Variants in ELANE observed in about 807,000 individuals in gnomAD.
ELANE encodes the protein neutrophil elastase.
A neutral mutation model predicts 20.6 loss-of-function variants in ELANE; 12 were observed. The observed-to-expected ratio is 0.58, with a 90% CI of 0.37 to 0.94. The LOEUF is 0.94. Ranked by LOEUF, ELANE falls within the 40% of genes least tolerant of loss-of-function variation. The pLI is 0.01. For missense variants in ELANE, 388 were observed against 395.2 expected (o/e 0.98, Z 0.15); for synonymous variants, 203 against 177.4 (o/e 1.14, Z -1.15).
Position 855,638 on chromosome 19 carries a change from C to A in ELANE, c.441C>A (p.Asn147Lys), listed in dbSNP as rs146878885. 6.2e-7 allele frequency: 1 copy of A among 1,605,792 alleles called. No homozygotes were observed. Among genetic ancestry groups the A allele is most frequent in the Non-Finnish European group, 8.5e-7 (1 of 1,179,840 alleles). Residue 147 changes from asparagine to lysine, a missense_variant, in exon 4 of 5, where the codon AAC becomes AAA. Around this residue, in one of 3 missense-constraint regions of ELANE, gnomAD observed 321 missense variants for 309.8 expected, o/e 1.04. Transcript: ENST00000263621. The surrounding 1 kb of genome is among the most constrained non-coding windows in gnomAD (Gnocchi z 6.2). ...QLPAQGRRLG[N>K]GVQCLAMGWG... Reference sequence around the variant, plus strand: ...CGGCTCAGGGACGCCGCCTGGGCAACGGGGTGCAGTGCCTGGCCATGGGCT... The same window carrying A: ...CGGCTCAGGGACGCCGCCTGGGCAAAGGGGTGCAGTGCCTGGCCATGGGCT...
At position 853,259 on chromosome 19, in the gene ELANE, C is replaced by T. The variant is rs1213433317; in HGVS notation, c.225-3C>T. 5 of 1,595,250 alleles carry T rather than the reference C, an allele frequency of 3.1e-6. No individual in the cohort carries two copies. The highest frequency in any genetic ancestry group is 3.4e-6 in the Non-Finnish European group (4 of 1,171,860). ...CTGAGCCCCGCCTCTCCCTCCCCGG[C>T]AGAAACGTCCGCGCGGTGCGGGTGG... On this transcript the variant is annotated splice_polypyrimidine_tract_variant and splice_region_variant and intron_variant, in intron 2 of 4. Coordinates refer to ENST00000263621, the MANE Select transcript of ELANE (RefSeq NM_001972.4).
intron 1 of ELANE, 25 bp from the exon 2 acceptor site, chr19:852,851 G>A (rs763885813): frequency 2.5e-6 from 4 of 1,590,392 alleles, no homozygotes; most frequent in Non-Finnish European, 3.4e-6. Flanking sequence ...CAGGCACTCA[G>A]CACCCGCACC....
At chr19:853,239 C>T (rs1158474436) in intron 2 of ELANE, 23 bp from the exon 3 acceptor site, 1 of 1,573,138 alleles carries the variant, frequency 6.4e-7, no homozygotes. Context: ...CGCCCCTGAG[C>T]CCCGCCTCTC....
chr19:853,445 A>C, intron 3 of ELANE, 42 bp downstream of exon 3: 3 of 1,459,030 alleles, frequency 2.1e-6, no homozygotes, highest in Non-Finnish European at 2.8e-6. Context: ...CGGAGGCCAG[A>C]GGCCTGGGGA....
chr19:852,856 C>T lies in ELANE; in HGVS notation c.68-20C>T, dbSNP rs1443198519. ...GGCTCCTTGGCAGGCACTCAGCACC[C>T]GCACCCGGTGTGTCCCCAGGCACCG... On this transcript the variant is annotated intron_variant, in intron 1 of 4. Transcript: ENST00000263621. 9.4e-6 allele frequency: 15 copies of T among 1,591,704 alleles called. No homozygotes were observed. In the East Asian group the frequency reaches 1.6e-4, roughly 17 times the overall value.
rs773617543 is a variant in ELANE at position 856,157 on chromosome 19, C to A, written c.797C>A (p.Thr266Asn). 1 of 1,612,908 alleles carries A rather than the reference C, an allele frequency of 6.2e-7. No individual in the cohort carries two copies. The highest frequency in any genetic ancestry group is 8.5e-7 in the Non-Finnish European group (1 of 1,180,032). ...CGGGACCCGGACCCGGCCAGCAGGACCCACTGAGAAGGGCTGCCCGGGTCA... is the reference window on the plus strand; with the variant it reads ...CGGGACCCGGACCCGGCCAGCAGGAACCACTGAGAAGGGCTGCCCGGGTCA... Reference protein sequence around the residue: ...HPRDPDPASRTH With the variant: ...HPRDPDPASRNH Residue 266 changes from threonine (T) to asparagine (N), a missense_variant, in exon 5 of 5, where the codon ACC (threonine) becomes AAC (asparagine). Transcript: ENST00000263621.
At chr19:852,498 G>A in intron 1 of ELANE, 103 bp downstream of exon 1, 1 of 1,429,872 alleles carries the variant, frequency 7.0e-7, no homozygotes, top group Non-Finnish European at 9.5e-7. Flanking sequence ...TCCTCACAGG[G>A]GAGGTGCCAG....
In ELANE at chr19:855,642, G is replaced by C; in HGVS notation, c.445G>C (p.Val149Leu). The C allele has an allele frequency of 5.0e-6, 8 of 1,606,386 alleles. No homozygotes were observed. Among genetic ancestry groups the C allele is most frequent in the Non-Finnish European group, 6.8e-6 (8 of 1,179,860 alleles). The change falls in exon 4 of 5, where the codon GTG becomes CTG. Residue 149 changes from valine to leucine, a missense_variant. By Grantham distance (32) the Val-to-Leu change is conservative. Transcript: ENST00000263621. This position sits in a 1 kb window ranked among gnomAD's most constrained non-coding sequence, Gnocchi z 6.2. ...TCAGGGACGCCGCCTGGGCAACGGG[G>C]TGCAGTGCCTGGCCATGGGCTGGGG... ...PAQGRRLGNGVQCLAMGWGLL... is the reference protein window; with the variant it reads ...PAQGRRLGNGLQCLAMGWGLL...
At position 855,569 on chromosome 19, in the gene ELANE, C is replaced by A. The variant is rs200595736; in HGVS notation, c.372C>A (p.Asn124Lys). 3 of 1,599,300 alleles carry A rather than the reference C, an allele frequency of 1.9e-6. No individual in the cohort carries two copies. The highest frequency in any genetic ancestry group is 3.3e-4 in the Middle Eastern group (2 of 6,056). ...LLNDIVILQL[N>K]GSATINANVQ... ...ATCTGTCCCCACCGCCACAGCTCAA[C>A]GGGTCGGCCACCATCAACGCCAACG... The change falls in exon 4 of 5, where the codon AAC becomes AAA. Residue 124 changes from asparagine (N) to lysine (K), a missense_variant. By Grantham distance (94) the Asn-to-Lys change is moderately conservative. This residue lies in a region of ELANE where 321 missense variants were observed against 309.8 expected (regional missense o/e 1.04). Transcript: ENST00000263621. This position sits in a 1 kb window ranked among gnomAD's most constrained non-coding sequence, Gnocchi z 6.2.
Position 856,137 on chromosome 19 carries a change from C to T in ELANE, c.777C>T (p.Asp259=). 3 of 1,612,966 alleles carry T rather than the reference C, an allele frequency of 1.9e-6. No individual in the cohort carries two copies. The South Asian group carries it at 3.3e-5, about 18-fold the overall frequency. Residue 259 remains aspartate (D), a synonymous_variant, in exon 5 of 5, where the codon GAC becomes GAT. Transcript: ENST00000263621. ...ACAACCCCTGTCCCCACCCCCGGGA[C>T]CCGGACCCGGCCAGCAGGACCCACT... ...SEDNPCPHPR[D]PDPASRTH
Position 856,236 on chromosome 19 carries a change from G to C in ELANE, c.*72G>C. 1 of 1,576,470 alleles carries C rather than the reference G, an allele frequency of 6.3e-7. No individual in the cohort carries two copies. On this transcript the variant is annotated 3_prime_UTR_variant, in exon 5 of 5. Coordinates refer to ENST00000263621, the MANE Select transcript of ELANE (RefSeq NM_001972.4). ...GCATCTGGCACAATAAACATTCTCT[G>C]TTTTGTAGAATGTGTTTGATGCTCC...
At chr19:853,164 C>T (rs1000641220) in intron 2 of ELANE, 98 bp from the exon 3 acceptor site, 1 of 1,483,604 alleles carries the variant, frequency 6.7e-7, no homozygotes, top group Non-Finnish European at 8.9e-7. Context: ...CCTCGAGCAC[C>T]TTCGCCCTCA....
At position 855,499 on chromosome 19, in the gene ELANE, G is replaced by T; in HGVS notation, c.367-65G>T. ...ACCTGAGATGGGGAAACTGAGGCCCGGAGAGGGGAGGGTCATCATCACTGC... is the reference window on the plus strand; with the variant it reads ...ACCTGAGATGGGGAAACTGAGGCCCTGAGAGGGGAGGGTCATCATCACTGC... On this transcript the variant is annotated intron_variant, in intron 3 of 4. Coordinates refer to ENST00000263621, the MANE Select transcript of ELANE (RefSeq NM_001972.4). This position sits in a 1 kb window ranked among gnomAD's most constrained non-coding sequence, Gnocchi z 6.2. 6.5e-7 allele frequency: 1 copy of T among 1,536,294 alleles called. No individual in the cohort carries two copies. Among genetic ancestry groups the T allele is most frequent in the Non-Finnish European group, 8.8e-7 (1 of 1,135,294 alleles).
In ELANE at chr19:852,995, A is replaced by T. The variant is rs1568304154; in HGVS notation, c.187A>T (p.Asn63Tyr). 6.3e-7 allele frequency: 1 copy of T among 1,579,148 alleles called. No homozygotes were observed. Among genetic ancestry groups the T allele is most frequent in the Non-Finnish European group, 8.5e-7 (1 of 1,169,666 alleles). Residue 63 changes from asparagine (N) to tyrosine (Y), a missense_variant, in exon 2 of 5, where the codon AAC (asparagine) becomes TAC (tyrosine). This residue lies in a region of ELANE where 321 missense variants were observed against 309.8 expected (regional missense o/e 1.04). Transcript: ENST00000263621. ...HFCGATLIAP[N>Y]FVMSAAHCVA... Reference sequence around the variant, plus strand: ...CTGCGGCGCCACCCTGATTGCGCCCAACTTCGTCATGTCGGCCGCGCACTG... The same window carrying T: ...CTGCGGCGCCACCCTGATTGCGCCCTACTTCGTCATGTCGGCCGCGCACTG...
rs878855321 is a variant in ELANE, at chr19:855,965, C to T, written c.605C>T (p.Ser202Phe). 1 of 1,613,234 alleles carries T rather than the reference C, an allele frequency of 6.2e-7. No individual in the cohort carries two copies. The highest frequency in any genetic ancestry group is 8.5e-7 in the Non-Finnish European group (1 of 1,180,028). ...CCTTGTCTGCCTCCACAGGGGGACT[C>T]CGGCAGCCCCTTGGTCTGCAACGGG... Reference protein sequence around the residue: ...GRQAGVCFGDSGSPLVCNGLI... With the variant: ...GRQAGVCFGDFGSPLVCNGLI... Residue 202 changes from serine (S) to phenylalanine (F), a missense_variant, in exon 5 of 5, where the codon TCC becomes TTC. Transcript: ENST00000263621. The surrounding 1 kb of genome is among the most constrained non-coding windows in gnomAD (Gnocchi z 6.2).
chr19:852,398 G>T lies in ELANE; in HGVS notation c.67+3G>T. 1 of 1,610,656 alleles carries T rather than the reference G, an allele frequency of 6.2e-7. No homozygotes were observed. On this transcript the variant is annotated splice_donor_region_variant and intron_variant, in intron 1 of 4. Transcript: ENST00000263621. ...CCTGCCGGCCTTGCTGCTGGGGGGT[G>T]AGTTTTTGAGTCCAACCTCCCGCTG...
At chr19:853,093 T>C (rs1599291057) in intron 2 of ELANE, 61 bp downstream of exon 2, 1 of 813,720 alleles carries the variant, frequency 1.2e-6, no homozygotes, top group East Asian at 6.9e-5. Flanking sequence ...GTGAGGTGGG[T>C]GGGGGGAGGC....
Position 855,600 on chromosome 19 carries a change from G to A in ELANE, c.403G>A (p.Val135Met), listed in dbSNP as rs774457980. ...GGCCACCATCAACGCCAACGTGCAG[G>A]TGGCCCAGCTGCCGGCTCAGGGACG... ...GSATINANVQ[V>M]AQLPAQGRRL... Residue 135 changes from valine (V) to methionine (M), a missense_variant, in exon 4 of 5, where the codon GTG becomes ATG. Coordinates refer to ENST00000263621, the MANE Select transcript of ELANE (RefSeq NM_001972.4). This position sits in a 1 kb window ranked among gnomAD's most constrained non-coding sequence, Gnocchi z 6.2. 2 of 1,601,298 alleles carry A rather than the reference G, an allele frequency of 1.2e-6. No individual in the cohort carries two copies. Among genetic ancestry groups the A allele is most frequent in the Non-Finnish European group, 8.5e-7 (1 of 1,179,818 alleles).
In ELANE at chr19:852,319, C is replaced by T. The variant is rs772222303; in HGVS notation, c.-10C>T. 1 of 1,607,728 alleles carries T rather than the reference C, an allele frequency of 6.2e-7. No individual in the cohort carries two copies. The highest frequency in any genetic ancestry group is 8.5e-7 in the Non-Finnish European group (1 of 1,179,690). ...CGGAGGGGCAGAGACCCCGGAGCCC[C>T]AGCCCCACCATGACCCTCGGCCGCC... On this transcript the variant is annotated 5_prime_UTR_variant, in exon 1 of 5. Transcript: ENST00000263621.
Sources: gnomAD v4.1 joint callset for allele counts on GRCh38, gnomAD v4.1.1 for gene constraint, gnomAD v4.1.1 regional missense constraint, Gnocchi (gnomAD v3.1) non-coding constraint, MANE v1.5 for transcripts, NCBI Gene and HGNC (gene_info 2026-07-23, HGNC 2026-07-21) for gene names.